The following TUFM variants were observed in gnomAD, a reference collection of about 807,000 sequenced individuals.
TUFM encodes elongation factor Tu, mitochondrial.
In TUFM, 23 loss-of-function variants were observed where a neutral mutation model predicts 45.0. The observed-to-expected ratio is 0.51, with a 90% CI of 0.37 to 0.72. The LOEUF is 0.72. Among genes scored for constraint, TUFM ranks in the 30% least tolerant of loss-of-function variants. The pLI, the probability that TUFM is intolerant of heterozygous loss-of-function variation, is 0.00. For missense variants in TUFM, 490 were observed against 610.7 expected (o/e 0.80, Z 2.08); for synonymous variants, 243 against 252.9 (o/e 0.96, Z 0.37).
At position 28,844,483 on chromosome 16, in the gene TUFM, T is replaced by G. The variant is rs1961881189; in HGVS notation, c.753A>C (p.Pro251=). ...GCTTCTCCAGGTCCCGGGCGGGCAC[T>G]GGGATGTAAGTGTCCACAGCATCCA... ...KLLDAVDTYI[P]VPARDLEKPF... Residue 251 remains proline, a synonymous_variant, in exon 6 of 10, where the codon CCA becomes CCC. Transcript: ENST00000313511. The surrounding 1 kb of genome is among the most constrained non-coding windows in gnomAD (Gnocchi z 5.8). 6.2e-7 allele frequency: 1 copy of G among 1,614,146 alleles called. No homozygotes were observed. Among genetic ancestry groups the G allele is most frequent in the Non-Finnish European group, 8.5e-7 (1 of 1,180,032 alleles).
Position 28,845,390 on chromosome 16 carries a change from G to A in TUFM, c.338C>T (p.Ala113Val), listed in dbSNP as rs530661742. The A allele has an allele frequency of 4.3e-6, 7 of 1,614,006 alleles. No individual in the cohort carries two copies. Among genetic ancestry groups the A allele is most frequent in the East Asian group, 2.2e-5 (1 of 44,876 alleles). ...GGCAGTGCTATACTCCACATGAGCCGCATTGATGGTGATACCCCGAGCTCG... is the reference window on the plus strand; with the variant it reads ...GGCAGTGCTATACTCCACATGAGCCACATTGATGGTGATACCCCGAGCTCG... ...EERARGITIN[A>V]AHVEYSTAAR... The change falls in exon 3 of 10, where the codon GCG (alanine) becomes GTG (valine). Residue 113 changes from alanine to valine, a missense_variant. Physicochemically the swap from Ala to Val is moderately conservative, Grantham distance 64. Coordinates refer to ENST00000313511, the MANE Select transcript of TUFM (RefSeq NM_003321.5).
rs758912548 is a variant in TUFM, at chr16:28,844,936, C to T, written c.519+15G>A. ...CCACTCTTCCCTTTTGCATCCTTAC[C>T]CAGGCTCTGAGTACCTGTCTGGCCA... On this transcript the variant is annotated intron_variant, in intron 4 of 9. Coordinates refer to ENST00000313511, the MANE Select transcript of TUFM (RefSeq NM_003321.5). This position sits in a 1 kb window ranked among gnomAD's most constrained non-coding sequence, Gnocchi z 5.8. 2.0e-5 allele frequency: 33 copies of T among 1,614,016 alleles called. No individual in the cohort carries two copies. In the South Asian group the frequency reaches 3.4e-4, roughly 17 times the overall value.
Position 28,844,894 on chromosome 16 carries a change from C to G in TUFM, c.520-32G>C. On this transcript the variant is annotated intron_variant, in intron 4 of 9. Coordinates refer to ENST00000313511, the MANE Select transcript of TUFM (RefSeq NM_003321.5). The surrounding 1 kb of genome is among the most constrained non-coding windows in gnomAD (Gnocchi z 5.8). ...ATGCCAGAGAGACAGGGACAATATA[C>G]AGAGGGGCCCAACTCCCCACTCTTC... 1 of 1,614,154 alleles carries G rather than the reference C, an allele frequency of 6.2e-7. No homozygotes were observed. The highest frequency in any genetic ancestry group is 8.5e-7 in the Non-Finnish European group (1 of 1,180,026).
At position 28,843,789 on chromosome 16, in the gene TUFM, T is replaced by A. The variant is rs765609265; in HGVS notation, c.1141A>T (p.Met381Leu). The change falls in exon 9 of 10, where the codon ATG becomes TTG. Residue 381 changes from methionine to leucine, a missense_variant. Transcript: ENST00000313511. ...KPFVSHFMPV[M>L]FSLTWDMACR... The stretch of plus-strand genomic sequence containing the variant: ...GCCATGTCCCAAGTCAGGGAGAACA[T>A]GACAGGCATGAAGTGGGACACAAAG... The A allele has an allele frequency of 1.9e-6, 3 of 1,614,008 alleles. No individual in the cohort carries two copies. In the East Asian group the frequency reaches 6.7e-5, roughly 36 times the overall value.
In TUFM at chr16:28,843,877, C is replaced by T. The variant is rs772412404; in HGVS notation, c.1075-22G>A. On this transcript the variant is annotated intron_variant, in intron 8 of 9. Coordinates refer to ENST00000313511, the MANE Select transcript of TUFM (RefSeq NM_003321.5). ...AAACCTGGAGGAGAGCAAGCAATGA[C>T]GGTGAGCTGGGCTTGGCTGGAGGCT... 198 of 1,613,970 alleles carry T rather than the reference C, an allele frequency of 1.2e-4. No homozygotes were observed. The East Asian group carries it at 3.7e-3, about 31-fold the overall frequency.
chr16:28,844,874 A>C lies in TUFM; in HGVS notation c.520-12T>G. 6.2e-7 allele frequency: 1 copy of C among 1,614,172 alleles called. No individual in the cohort carries two copies. Among genetic ancestry groups the C allele is most frequent in the African/African-American group, 1.3e-5 (1 of 75,034 alleles). ...TGCTCCACCCCAATCTGTAGATGCCAGAGAGACAGGGACAATATACAGAGG... is the reference window on the plus strand; with the variant it reads ...TGCTCCACCCCAATCTGTAGATGCCCGAGAGACAGGGACAATATACAGAGG... On this transcript the variant is annotated splice_polypyrimidine_tract_variant and intron_variant, in intron 4 of 9. Transcript: ENST00000313511. The surrounding 1 kb of genome is among the most constrained non-coding windows in gnomAD (Gnocchi z 5.8).
intron 9 of TUFM, 126 bp from the exon 10 acceptor site, chr16:28,843,274 C>A: frequency 1.0e-6 from 1 of 962,378 alleles, no homozygotes; most frequent in Non-Finnish European, 1.6e-6. Context: ...TGCCTGGGGA[C>A]AGCTTCATCC....
In TUFM at chr16:28,842,807, A is replaced by T; in HGVS notation, c.*168T>A. The stretch of plus-strand genomic sequence containing the variant: ...CAGGCTGGCTTACTATTCAAAGTTT[A>T]CTGACCTCCCCAGCCAGGCAGGCCA... On this transcript the variant is annotated 3_prime_UTR_variant, in exon 10 of 10. Transcript: ENST00000313511. The T allele has an allele frequency of 1.2e-6, 1 of 856,660 alleles. No homozygotes were observed. The highest frequency in any genetic ancestry group is 1.9e-6 in the Non-Finnish European group (1 of 516,232). 53.1% of individuals were successfully genotyped at this position (856,660 alleles called of 1,614,324 possible).
Position 28,843,586 on chromosome 16 carries a change from C to T in TUFM, c.1194+150G>A, listed in dbSNP as rs1194792554. On this transcript the variant is annotated intron_variant, in intron 9 of 9. Coordinates refer to ENST00000313511, the MANE Select transcript of TUFM (RefSeq NM_003321.5). Reference sequence around the variant, plus strand: ...GCCCCTAAGTCCATGGGCCATGCCCCTTCTGTTGGCTAGCAGCGGCAAGCA... The same window carrying T: ...GCCCCTAAGTCCATGGGCCATGCCCTTTCTGTTGGCTAGCAGCGGCAAGCA... 6 of 1,202,680 alleles carry T rather than the reference C, an allele frequency of 5.0e-6. No individual in the cohort carries two copies. The South Asian group carries it at 5.9e-5, about 12-fold the overall frequency. The allele number at this position is 1,202,680 out of a possible 1,614,324, so 74.5% of individuals were successfully genotyped here.
Position 28,842,490 on chromosome 16 carries a change from C to A in TUFM, c.*485G>T. The A allele has an allele frequency of 4.4e-6, 1 of 225,548 alleles. No homozygotes were observed. The allele number at this position is 225,548 out of a possible 1,614,324, so 14.0% of individuals were successfully genotyped here. A position where few individuals can be genotyped will look rare whatever the true frequency, so the allele number is the denominator to read the frequency against. ...GGTATGCCTGTCCAGTCCCTGTTCCCACAGAATGTGAATGGATGCTAGACA... is the reference window on the plus strand; with the variant it reads ...GGTATGCCTGTCCAGTCCCTGTTCCAACAGAATGTGAATGGATGCTAGACA... On this transcript the variant is annotated 3_prime_UTR_variant, in exon 10 of 10. Transcript: ENST00000313511.
intron 9 of TUFM, 70 bp from the exon 10 acceptor site, chr16:28,843,218 C>T (rs1417540418): frequency 1.5e-5 from 23 of 1,541,718 alleles, no homozygotes; most frequent in Admixed American, 3.4e-5. Context: ...TTTTTGGCTA[C>T]CTCGGAGGTT....
rs768440786 is a variant in TUFM at position 28,844,360 on chromosome 16, AG to A, written c.818-27del. On this transcript the variant is annotated intron_variant, in intron 6 of 9. Coordinates refer to ENST00000313511, the MANE Select transcript of TUFM (RefSeq NM_003321.5). This position sits in a 1 kb window ranked among gnomAD's most constrained non-coding sequence, Gnocchi z 5.8. ...CTGGGAGGGAATAAGACAGGATATC[AG>A]GGACCCCGAGCTAGGCTTCTGCTAG... 3.0e-5 allele frequency: 48 copies of A among 1,614,026 alleles called. No individual in the cohort carries two copies. The Admixed American group carries it at 3.8e-4, about 13-fold the overall frequency.
chr16:28,843,034 C>G lies in TUFM; in HGVS notation c.1309G>C (p.Gly437Arg). ...ATGGCCAGCGTGTTGGTGACTAGAC[C>G]GGTGCCAATAGTCCGGTTGCCATCT... Reference protein sequence around the residue: ...LRDGNRTIGTGLVTNTLAMTE... With the variant: ...LRDGNRTIGTRLVTNTLAMTE... Residue 437 changes from glycine (G) to arginine (R), a missense_variant, in exon 10 of 10, where the codon GGT (glycine) becomes CGT (arginine). By Grantham distance (125) the Gly-to-Arg change is moderately radical. Coordinates refer to ENST00000313511, the MANE Select transcript of TUFM (RefSeq NM_003321.5). 6.2e-7 allele frequency: 1 copy of G among 1,614,190 alleles called. No individual in the cohort carries two copies. Among genetic ancestry groups the G allele is most frequent in the East Asian group, 2.2e-5 (1 of 44,892 alleles).
At position 28,842,945 on chromosome 16, in the gene TUFM, G is replaced by A. The variant is rs769555744; in HGVS notation, c.*30C>T. The A allele has an allele frequency of 1.6e-5, 26 of 1,613,170 alleles. No homozygotes were observed. Among genetic ancestry groups the A allele is most frequent in the South Asian group, 5.5e-5 (5 of 91,012 alleles). ...GCCCTGGCTAGGGCAGGCCTTAAAC[G>A]CAAGGGAAGCTGAGCAGAGATCTGC... On this transcript the variant is annotated 3_prime_UTR_variant, in exon 10 of 10. Transcript: ENST00000313511.
chr16:28,843,229 A>G (rs76081634), intron 9 of TUFM, 81 bp from the exon 10 acceptor site: 27,123 of 1,463,964 alleles, frequency 0.019, 293 homozygotes, highest in Non-Finnish European at 0.023. Flanking sequence ...CTCGGAGGTT[A>G]AGAGTCATGG....
chr16:28,845,728 G>A (rs1961931722), intron 2 of TUFM, among the ~76,000 whole-genome samples, 184 bp downstream of exon 2: 2 of 152,110 alleles, frequency 1.3e-5, no homozygotes, highest in Non-Finnish European at 2.9e-5. Flanking sequence ...GCCATTGGTG[G>A]ATCACAAAGT....
chr16:28,846,297 G>C lies in TUFM; in HGVS notation c.-28C>G, dbSNP rs758366064. On this transcript the variant is annotated 5_prime_UTR_variant, in exon 1 of 10. Transcript: ENST00000313511. ...TCGCGCCCCGGTAACCGGGGAGCCG[G>C]GACCAGGAGCCCGAGCGCACAGAAG... 6.5e-7 allele frequency: 1 copy of C among 1,547,968 alleles called. No homozygotes were observed. The highest frequency in any genetic ancestry group is 2.4e-5 in the East Asian group (1 of 40,930).
At position 28,844,687 on chromosome 16, in the gene TUFM, C is replaced by A. The variant is rs1378345107; in HGVS notation, c.684+11G>T. The A allele has an allele frequency of 1.2e-6, 2 of 1,614,034 alleles. No homozygotes were observed. Among genetic ancestry groups the A allele is most frequent in the Non-Finnish European group, 1.7e-6 (2 of 1,180,030 alleles). ...CTCTGCAGCAGCTGCCCTGCCTGAC[C>A]CCGCGTTCACCTCAAGGGCACAGAG... On this transcript the variant is annotated intron_variant, in intron 5 of 9. Coordinates refer to ENST00000313511, the MANE Select transcript of TUFM (RefSeq NM_003321.5). The surrounding 1 kb of genome is among the most constrained non-coding windows in gnomAD (Gnocchi z 5.8).
rs1462636723 is a variant in TUFM, at chr16:28,845,610, A to C, written c.248-130T>G. On this transcript the variant is annotated intron_variant, in intron 2 of 9. Transcript: ENST00000313511. ...ATCTCTAACTCTTCCAGCAGAGAGA[A>C]CTGTGGGTCAGAAAGAAATGTTAGA... 6.6e-6 allele frequency: 8 copies of C among 1,209,032 alleles called. No individual in the cohort carries two copies. In the East Asian group the frequency reaches 2.0e-4, roughly 30 times the overall value. The allele number at this position is 1,209,032 out of a possible 1,614,324, so 74.9% of individuals were successfully genotyped here. A position where few individuals can be genotyped will look rare whatever the true frequency, so the allele number is the denominator to read the frequency against.
Sources: gnomAD v4.1 joint callset for allele counts (sites outside exome capture counted in the v4.1 genomes callset) on GRCh38, gnomAD v4.1.1 for gene constraint, Gnocchi (gnomAD v3.1) non-coding constraint, MANE v1.5 for transcripts, NCBI Gene and HGNC (gene_info 2026-07-23, HGNC 2026-07-21) for gene names.